The following HDAC9 variants were observed in gnomAD, a reference collection of about 807,000 sequenced individuals.
HDAC9 encodes the protein MEF-2 interacting transcription repressor (MITR) protein.
Under a neutral mutation model 139.4 loss-of-function variants are expected in HDAC9, and 41 were observed. The observed-to-expected ratio is 0.29, with a 90% CI of 0.23 to 0.38. HDAC9 has a LOEUF of 0.38. Among genes scored for constraint, HDAC9 ranks in the 10% least tolerant of loss-of-function variants. The probability of loss-of-function intolerance (pLI) is 1.00; values close to 1 mark genes in which losing one functional copy is unlikely to be tolerated. For missense variants in HDAC9, 1,147 were observed against 1,297.0 expected (o/e 0.88, Z 1.78); for synonymous variants, 517 against 476.2 (o/e 1.09, Z -1.12).
rs540379472 is a variant in HDAC9 at position 18,137,938 on chromosome 7, A to G, written c.-96-24291A>G. Among the ~76,000 whole-genome samples the G allele has an allele frequency of 2.6e-3, 391 of 150,724 alleles. 2 individuals carry two copies. Among genetic ancestry groups the G allele is most frequent in the Middle Eastern group, 6.8e-3 (2 of 294 alleles). ...TGGCTGTGAATCCATCTGGTCCTGGACTCTTTTTGGTTGGTAAGCTATTGA... is the reference window on the plus strand; with the variant it reads ...TGGCTGTGAATCCATCTGGTCCTGGGCTCTTTTTGGTTGGTAAGCTATTGA... On this transcript the variant is annotated intron_variant, in intron 1 of 12. Coordinates refer to the HDAC9 transcript ENST00000417496.
intron 17 of HDAC9, among the ~76,000 whole-genome samples, chr7:18,797,168 C>T (rs751092593): frequency 1.3e-5 from 2 of 152,138 alleles, no homozygotes; most frequent in Non-Finnish European, 2.9e-5. Flanking sequence ...CATTAAGTAA[C>T]CTTTTAAGAT....
intron 16 of HDAC9, among the ~76,000 whole-genome samples, chr7:18,791,060 G>A (rs368413904): frequency 5.3e-5 from 8 of 152,158 alleles, no homozygotes; most frequent in Admixed American, 6.5e-5. Context: ...TGGGTATCAC[G>A]CAAACGTATT....
chr7:18,230,964 A>G (rs547231571), intron 2 of HDAC9, among the ~76,000 whole-genome samples: 3 of 152,326 alleles, frequency 2.0e-5, no homozygotes, highest in South Asian at 2.1e-4. Flanking sequence ...TGAGAAAAGT[A>G]TCTTTGTCTT....
At chr7:18,657,859 T>C (rs1791722986) in intron 11 of HDAC9, among the ~76,000 whole-genome samples, 1 of 152,110 alleles carries the variant, frequency 6.6e-6, no homozygotes, top group African/African-American at 2.4e-5. Context: ...TTACATGGCC[T>C]ACAAGGCTGT....
chr7:18,137,143 T>C (rs1209954187), intron 1 of HDAC9, among the ~76,000 whole-genome samples: 6 of 144,524 alleles, frequency 4.2e-5, no homozygotes, highest in East Asian at 2.0e-4. Context: ...GTGATTTTTG[T>C]ACATTGATTT....
At chr7:18,707,366 A>G (rs767555404) in intron 12 of HDAC9, among the ~76,000 whole-genome samples, 2 of 152,228 alleles carry the variant, frequency 1.3e-5, no homozygotes, top group Non-Finnish European at 2.9e-5. Context: ...AGAGAAGTCA[A>G]TGTGGGGAGA....
chr7:18,159,171 G>T (rs1787440916), intron 1 of HDAC9, among the ~76,000 whole-genome samples: 1 of 152,194 alleles, frequency 6.6e-6, no homozygotes, highest in South Asian at 2.1e-4. Context: ...GGAAACTCAT[G>T]TTAAAATTCA....
intron 2 of HDAC9, among the ~76,000 whole-genome samples, chr7:18,576,879 G>A (rs1267137889): frequency 6.6e-6 from 1 of 152,138 alleles, no homozygotes; most frequent in Non-Finnish European, 1.5e-5. Flanking sequence ...TTAAGCTGGA[G>A]ATAGAATTGT....
At chr7:18,674,898 C>T (rs1480644207) in intron 12 of HDAC9, among the ~76,000 whole-genome samples, 1 of 151,846 alleles carries the variant, frequency 6.6e-6, no homozygotes, top group African/African-American at 2.4e-5. Flanking sequence ...TAACAGTACT[C>T]ACACCATATT....
At chr7:18,565,371 T>G (rs1023364198) in intron 2 of HDAC9, among the ~76,000 whole-genome samples, 7 of 152,234 alleles carry the variant, frequency 4.6e-5, no homozygotes, top group Middle Eastern at 3.2e-3. Flanking sequence ...CAAATATTTT[T>G]CAAAGGGTAG....
chr7:18,357,077 A>G (rs1280475103), intron 1 of HDAC9, among the ~76,000 whole-genome samples: 2 of 152,130 alleles, frequency 1.3e-5, no homozygotes, highest in Non-Finnish European at 2.9e-5. Context: ...TGATCATTGA[A>G]TTTTAAAAAT....
chr7:18,093,273 G>A (rs1436177044), intron 1 of HDAC9, among the ~76,000 whole-genome samples: 1 of 152,166 alleles, frequency 6.6e-6, no homozygotes, highest in Non-Finnish European at 1.5e-5. Context: ...GCTAGGGGTG[G>A]CATTAGGATT....
intron 12 of HDAC9, among the ~76,000 whole-genome samples, chr7:18,723,281 G>T (rs558760128): frequency 2.6e-5 from 4 of 152,052 alleles, no homozygotes; most frequent in African/African-American, 9.7e-5. Context: ...TATTATTAAA[G>T]CCCACTATGT....
intron 1 of HDAC9, among the ~76,000 whole-genome samples, chr7:18,369,293 A>G (rs957499679): frequency 6.6e-6 from 1 of 152,222 alleles, no homozygotes. Flanking sequence ...CACTTAAAAA[A>G]TTCTTTTAGT....
At chr7:18,742,822 T>C (rs1334844396) in intron 13 of HDAC9, among the ~76,000 whole-genome samples, 2 of 152,184 alleles carry the variant, frequency 1.3e-5, no homozygotes, top group African/African-American at 4.8e-5. Context: ...ATTTTGCTAC[T>C]CTTTAATTTC....
At chr7:18,651,373 T>C (rs1048843167) in intron 11 of HDAC9, among the ~76,000 whole-genome samples, 2 of 152,200 alleles carry the variant, frequency 1.3e-5, no homozygotes, top group Non-Finnish European at 2.9e-5. Flanking sequence ...AAATGACATA[T>C]TTAAATATAT....
At chr7:18,497,660 G>C (rs562172377) in intron 2 of HDAC9, among the ~76,000 whole-genome samples, 2 of 152,262 alleles carry the variant, frequency 1.3e-5, no homozygotes, top group East Asian at 3.9e-4. Flanking sequence ...GGCTCCGGGA[G>C]GGTTTAACAG....
chr7:18,857,020 T>G (rs367648727), intron 21 of HDAC9, among the ~76,000 whole-genome samples: 17 of 152,264 alleles, frequency 1.1e-4, no homozygotes, highest in African/African-American at 3.8e-4. Context: ...TCTTTTTCTT[T>G]CTCCGATTTC....
chr7:18,797,791 T>A (rs1178457169), intron 17 of HDAC9, among the ~76,000 whole-genome samples: 4 of 151,966 alleles, frequency 2.6e-5, no homozygotes, highest in Non-Finnish European at 5.9e-5. Flanking sequence ...ATTGCACTGC[T>A]GTACTCCAGC....
Sources: gnomAD v4.1 joint callset for allele counts (sites outside exome capture counted in the v4.1 genomes callset) on GRCh38, gnomAD v4.1.1 for gene constraint, MANE v1.5 for transcripts, NCBI Gene and HGNC (gene_info 2026-07-23, HGNC 2026-07-21) for gene names.